The following CACNA1B variants were observed in gnomAD, a reference collection of about 807,000 sequenced individuals.
The protein encoded by CACNA1B is calcium voltage-gated channel subunit alpha1 B, also known as voltage-dependent N-type calcium channel subunit alpha-1B.
Under a neutral mutation model 247.2 loss-of-function variants are expected in CACNA1B, and 70 were observed. The observed-to-expected ratio is 0.28, with a 90% confidence interval of 0.23 to 0.35. The LOEUF is 0.35. CACNA1B is among the 10% of genes least tolerant of loss of function. The pLI, the probability that CACNA1B is intolerant of heterozygous loss-of-function variation, is 1.00. For synonymous variants in CACNA1B, 1,231 were observed against 1,294.4 expected, an observed-to-expected ratio of 0.95 and a Z score of 1.05; for missense variants, 2,367 against 3,197.4, an observed-to-expected ratio of 0.74 and a Z score of 6.26.
At position 138,058,441 on chromosome 9, in the gene CACNA1B, G is replaced by C; in HGVS notation, c.4309-128G>C. On this transcript the variant is annotated intron_variant, in intron 28 of 46. Transcript: ENST00000371372. The surrounding 1 kb of genome is among the most constrained non-coding windows in gnomAD (Gnocchi z 4.7). Reference sequence around the variant, plus strand: ...TTGAGGCCTGCTTGGAGAAGGTCTGGGCTGCTTCAATTTGTCTTCTGTTGT... The same window carrying C: ...TTGAGGCCTGCTTGGAGAAGGTCTGCGCTGCTTCAATTTGTCTTCTGTTGT... 1 of 968,258 alleles carries C rather than the reference G, an allele frequency of 1.0e-6. No individual in the cohort carries two copies. The highest frequency in any genetic ancestry group is 1.5e-6 in the Non-Finnish European group (1 of 648,816). The allele number at this position is 968,258 out of a possible 1,614,324, so 60.0% of individuals were successfully genotyped here.
At chr9:137,967,194 C>T (rs763074918) in intron 10 of CACNA1B, among the ~76,000 whole-genome samples, 1 of 152,170 alleles carries the variant, frequency 6.6e-6, no homozygotes, top group Non-Finnish European at 1.5e-5. Context: ...TCATAATTGT[C>T]AACGTACCTC....
chr9:138,023,872 A>G (rs111847612), intron 19 of CACNA1B, 61 bp downstream of exon 19: 5 of 844,548 alleles, frequency 5.9e-6, no homozygotes, highest in Non-Finnish European at 9.7e-6. Flanking sequence ...CGCGGGCCCC[A>G]GCGGTGGCTG....
At chr9:138,006,000 A>G (rs954119087) in intron 15 of CACNA1B, among the ~76,000 whole-genome samples, 7 of 148,136 alleles carry the variant, frequency 4.7e-5, no homozygotes, top group Admixed American at 6.9e-5. Flanking sequence ...CCGAGATTGC[A>G]CCACTGCACT....
intron 10 of CACNA1B, among the ~76,000 whole-genome samples, chr9:137,964,753 G>A (rs1958055929): frequency 6.6e-6 from 1 of 152,120 alleles, no homozygotes; most frequent in Non-Finnish European, 1.5e-5. Flanking sequence ...GAGGTGTTGT[G>A]GTCATTTGGA....
intron 20 of CACNA1B, among the ~76,000 whole-genome samples, chr9:138,029,268 T>G (rs1367341019): frequency 6.6e-6 from 1 of 152,228 alleles, no homozygotes; most frequent in Non-Finnish European, 1.5e-5. Flanking sequence ...TTAGAATGTC[T>G]TCTTGTGCTC....
chr9:137,903,998 G>C (rs948983161), intron 3 of CACNA1B, among the ~76,000 whole-genome samples: 2 of 152,214 alleles, frequency 1.3e-5, no homozygotes, highest in African/African-American at 4.8e-5. Flanking sequence ...TTGCTGATGG[G>C]CTTGGACCGA....
chr9:137,972,079 A>C (rs537409161), intron 11 of CACNA1B, among the ~76,000 whole-genome samples: 10 of 149,116 alleles, frequency 6.7e-5, no homozygotes, highest in African/African-American at 2.5e-4. Context: ...GGTTACCTTC[A>C]TTTTTCTTTA....
At chr9:137,940,925 A>G (rs1957726346) in intron 6 of CACNA1B, among the ~76,000 whole-genome samples, 1 of 152,168 alleles carries the variant, frequency 6.6e-6, no homozygotes, top group South Asian at 2.1e-4. Context: ...AATGTAATAA[A>G]AGTCATCTAT....
Position 138,051,681 on chromosome 9 carries a change from G to A in CACNA1B, c.3711-411G>A, listed in dbSNP as rs918676431. 6.6e-6 allele frequency among the ~76,000 whole-genome samples: 1 copy of A among 152,050 alleles called. No individual in the cohort carries two copies. Among genetic ancestry groups the A allele is most frequent in the African/African-American group, 2.4e-5 (1 of 41,398 alleles). On this transcript the variant is annotated intron_variant, in intron 24 of 46. Coordinates refer to ENST00000371372, the MANE Select transcript of CACNA1B (RefSeq NM_000718.4). The surrounding 1 kb of genome is among the most constrained non-coding windows in gnomAD (Gnocchi z 4.3). ...GGTCCCCTTTACCTCCCTCTAGCCAGCCCAAAAAGCAAGGAAAAAAGCCCT... is the reference window on the plus strand; with the variant it reads ...GGTCCCCTTTACCTCCCTCTAGCCAACCCAAAAAGCAAGGAAAAAAGCCCT...
At chr9:138,036,110 G>A (rs773237291) in intron 20 of CACNA1B, among the ~76,000 whole-genome samples, 2 of 148,816 alleles carry the variant, frequency 1.3e-5, no homozygotes, top group East Asian at 2.0e-4. Flanking sequence ...TTTCCCCCCC[G>A]CCCCTTCTGC....
At chr9:137,967,796 A>G (rs1958098721) in intron 10 of CACNA1B, among the ~76,000 whole-genome samples, 1 of 152,162 alleles carries the variant, frequency 6.6e-6, no homozygotes, top group South Asian at 2.1e-4. Flanking sequence ...CTGCAGGCTC[A>G]GGGCCCCTCT....
intron 6 of CACNA1B, among the ~76,000 whole-genome samples, chr9:137,944,680 G>A (rs923843003): frequency 1.3e-5 from 2 of 152,188 alleles, no homozygotes; most frequent in African/African-American, 4.8e-5. Context: ...TCTCAGAATA[G>A]CTTCCTAGCT....
intron 13 of CACNA1B, among the ~76,000 whole-genome samples, chr9:137,985,763 A>G (rs1958352344): frequency 6.6e-6 from 1 of 152,226 alleles, no homozygotes; most frequent in South Asian, 2.1e-4. Context: ...TGCCATCAGC[A>G]GCCTCGGTGG....
At chr9:137,988,347 C>T (rs1022772007) in intron 15 of CACNA1B, among the ~76,000 whole-genome samples, 1 of 152,110 alleles carries the variant, frequency 6.6e-6, no homozygotes, top group African/African-American at 2.4e-5. Flanking sequence ...TGTGGGCGGG[C>T]CAGGCTGAGG....
Position 138,058,677 on chromosome 9 carries a change from T to C in CACNA1B, c.4417T>C (p.Phe1473Leu), listed in dbSNP as rs970385341. ...KTWTFVVSPP[F>L]EYFIMAMIAL... is the part of the protein sequence containing the mutation. ...GTGGACATTTGTGGTCTCCCCGCCC[T>C]TTGAATACTTCATCATGGCCATGAT... Residue 1473 changes from phenylalanine (F) to leucine (L), a missense_variant, in exon 29 of 47, where the codon TTT (phenylalanine) becomes CTT (leucine). Coordinates refer to ENST00000371372, the MANE Select transcript of CACNA1B (RefSeq NM_000718.4). The surrounding 1 kb of genome is among the most constrained non-coding windows in gnomAD (Gnocchi z 4.7). The C allele has an allele frequency of 1.9e-6, 3 of 1,612,666 alleles. No homozygotes were observed. The African/African-American group carries it at 4.0e-5, about 22-fold the overall frequency.
rs1957866884 is a variant in CACNA1B, at chr9:137,950,524, T to C, written c.967-1750T>C. ...AGCACCCCATGGAGGGTGAGGGGAT[T>C]CGGATGCCTCACTGCAGTCTAGGTG... On this transcript the variant is annotated intron_variant, in intron 6 of 46. Transcript: ENST00000371372. This position sits in a 1 kb window ranked among gnomAD's most constrained non-coding sequence, Gnocchi z 4.8. 6.6e-6 allele frequency among the ~76,000 whole-genome samples: 1 copy of C among 152,174 alleles called. No homozygotes were observed. The highest frequency in any genetic ancestry group is 6.5e-5 in the Admixed American group (1 of 15,272).
In CACNA1B at chr9:138,121,417, CTTTT is replaced by C. The variant is rs35987844; in HGVS notation, c.6490-37_6490-34del. On this transcript the variant is annotated intron_variant, in intron 46 of 46. Coordinates refer to ENST00000371372, the MANE Select transcript of CACNA1B (RefSeq NM_000718.4). The surrounding 1 kb of genome is among the most constrained non-coding windows in gnomAD (Gnocchi z 6.8). ...TGATGTGCTCTGTCTGTTGGTTCGG[CTTTT>C]TTTTTTTTTTTTTTACCTCTGATTT... The C allele has an allele frequency of 4.6e-3, 3,923 of 860,146 alleles. No homozygotes were observed. The highest frequency in any genetic ancestry group is 7.8e-3 in the South Asian group (312 of 39,800). The allele number at this position is 860,146 out of a possible 1,614,324, so 53.3% of individuals were successfully genotyped here.
At chr9:137,892,091 C>T in intron 3 of CACNA1B, 2 of 457,222 alleles carry the variant, frequency 4.4e-6, no homozygotes, top group Non-Finnish European at 4.4e-6. Context: ...CTTTGCCCTC[C>T]TCCCTCCCCG....
intron 31 of CACNA1B, 58 bp from the exon 32 acceptor site, chr9:138,069,700 A>T: frequency 6.9e-7 from 1 of 1,457,268 alleles, no homozygotes; most frequent in Non-Finnish European, 9.6e-7. Context: ...CTGCTGCTCA[A>T]ACCTCCCCAA....
Sources: allele counts gnomAD v4.1 joint callset (sites outside exome capture counted in the v4.1 genomes callset), GRCh38; gene constraint gnomAD v4.1.1; non-coding constraint Gnocchi (gnomAD v3.1); transcripts MANE v1.5; gene names NCBI Gene and HGNC (gene_info 2026-07-23, HGNC 2026-07-21).